The following PPP6C variants were observed in gnomAD, a reference collection of about 807,000 sequenced individuals.
The protein encoded by PPP6C is protein phosphatase 6 catalytic subunit.
In PPP6C, 11 loss-of-function variants were observed where a neutral mutation model predicts 39.8. The observed-to-expected ratio is 0.28, with a 90% CI of 0.17 to 0.46. The LOEUF (loss-of-function observed/expected upper bound fraction) is 0.46. Ranked by LOEUF, PPP6C falls within the 20% of genes least tolerant of loss-of-function variation. The pLI, the probability that PPP6C is intolerant of heterozygous loss-of-function variation, is 1.00. For missense variants in PPP6C, 211 were observed against 373.9 expected (o/e 0.56, Z 3.59); for synonymous variants, 129 against 130.3 (o/e 0.99, Z 0.07).
chr9:125,155,878 C>A (rs1193768120), intron 4 of PPP6C, among the ~76,000 whole-genome samples: 2 of 141,018 alleles, frequency 1.4e-5, no homozygotes, highest in African/African-American at 5.4e-5. Context: ...GCACTCCAGC[C>A]TGGGTGACAG....
In PPP6C at chr9:125,149,561, G is replaced by C. The variant is rs1835888379; in HGVS notation, c.*112C>G. 8.2e-7 allele frequency: 1 copy of C among 1,220,496 alleles called. No individual in the cohort carries two copies. Among genetic ancestry groups the C allele is most frequent in the African/African-American group, 1.5e-5 (1 of 65,124 alleles). The allele number at this position is 1,220,496 out of a possible 1,614,324, so 75.6% of individuals were successfully genotyped here. ...AAAATTTAAAAAAAAAAAGGCAAGA[G>C]GCAGCATTTCAGCAGCAAAGTGCTC... On this transcript the variant is annotated 3_prime_UTR_variant, in exon 7 of 7. Coordinates refer to ENST00000373547, the MANE Select transcript of PPP6C (RefSeq NM_002721.5).
chr9:125,180,277 T>C (rs79003383), intron 1 of PPP6C, among the ~76,000 whole-genome samples: 5,102 of 152,302 alleles, frequency 0.033, 248 homozygotes, highest in African/African-American at 0.11. Flanking sequence ...AATATCAGTG[T>C]TGCACAGCAT....
At chr9:125,189,483 G>C in intron 1 of PPP6C, 161 bp downstream of exon 1, 1 of 1,448,134 alleles carries the variant, frequency 6.9e-7, no homozygotes, top group Non-Finnish European at 9.1e-7. Context: ...CTCGGCTCGC[G>C]AGACCCTCGG....
chr9:125,184,207 G>A (rs1004116385), intron 1 of PPP6C, among the ~76,000 whole-genome samples: 1 of 152,066 alleles, frequency 6.6e-6, no homozygotes, highest in Non-Finnish European at 1.5e-5. Flanking sequence ...CAAACACAGT[G>A]AAACCCCATC....
rs1835841553 is a variant in PPP6C at position 125,147,618 on chromosome 9, C to CTA, written c.*2054_*2055insTA. ...AGGAATGGAGAGAATATTATTGGCA[C>CTA]GTGCCCAACTAGTGACAAACAAATG... On this transcript the variant is annotated 3_prime_UTR_variant, in exon 7 of 7. Transcript: ENST00000373547. 1 of 152,088 alleles carries CTA rather than the reference C, an allele frequency of 6.6e-6. No individual in the cohort carries two copies. The highest frequency in any genetic ancestry group is 1.5e-5 in the Non-Finnish European group (1 of 67,994). 9.4% of individuals were successfully genotyped at this position (152,088 alleles called of 1,614,324 possible). A position where few individuals can be genotyped will look rare whatever the true frequency, so the allele number is the denominator to read the frequency against.
Position 125,147,284 on chromosome 9 carries a change from AAT to A in PPP6C, c.*2387_*2388del, listed in dbSNP as rs1429428335. ...ACCAAGTATATCATAGGCAAATAAA[AAT>A]AGTTTTTACCCCCATTGATACAACA... is the stretch of plus-strand genomic sequence containing the variant. On this transcript the variant is annotated 3_prime_UTR_variant, in exon 7 of 7. Transcript: ENST00000373547. 6.6e-6 allele frequency: 1 copy of A among 152,206 alleles called. No homozygotes were observed. Among genetic ancestry groups the A allele is most frequent in the Admixed American group, 6.5e-5 (1 of 15,280 alleles). The allele number at this position is 152,206 out of a possible 1,614,324, so 9.4% of individuals were successfully genotyped here.
chr9:125,178,984 G>C (rs1182370920), intron 1 of PPP6C, among the ~76,000 whole-genome samples: 2 of 152,128 alleles, frequency 1.3e-5, no homozygotes, highest in Admixed American at 6.6e-5. Flanking sequence ...GGAGGCCGAG[G>C]AGGTCAGATC....
intron 1 of PPP6C, chr9:125,189,096 G>C: frequency 1.7e-6 from 1 of 604,402 alleles, no homozygotes; most frequent in South Asian, 2.3e-5. Flanking sequence ...ATTTGGAGGA[G>C]TGGCAATGAA....
chr9:125,187,668 C>G (rs779956285), intron 1 of PPP6C, among the ~76,000 whole-genome samples: 1 of 151,832 alleles, frequency 6.6e-6, no homozygotes, highest in Non-Finnish European at 1.5e-5. Flanking sequence ...AATTCCATGT[C>G]AATTCACTGA....
rs1285729452 is a variant in PPP6C at position 125,172,748 on chromosome 9, CACAA to C, written c.76-1572_76-1569del. ...ACACACACACACACACACACACACACACAAACACACACACACACACACAAACACA... is the reference window on the plus strand; with the variant it reads ...ACACACACACACACACACACACACACACACACACACACACACACAAACACA... On this transcript the variant is annotated intron_variant, in intron 1 of 6. Coordinates refer to ENST00000373547, the MANE Select transcript of PPP6C (RefSeq NM_002721.5). Among the ~76,000 whole-genome samples the C allele has an allele frequency of 2.5e-4, 36 of 141,186 alleles. No homozygotes were observed. The East Asian group carries it at 3.6e-3, about 14-fold the overall frequency. 92.6% of individuals were successfully genotyped at this position (141,186 alleles called of 152,430 possible). A position where few individuals can be genotyped will look rare whatever the true frequency, so the allele number is the denominator to read the frequency against.
chr9:125,162,388 G>A (rs371135222), intron 2 of PPP6C, among the ~76,000 whole-genome samples: 3 of 148,052 alleles, frequency 2.0e-5, no homozygotes, highest in African/African-American at 7.5e-5. Context: ...AGCCCAGGAG[G>A]TAGAGGTTGC....
intron 1 of PPP6C, among the ~76,000 whole-genome samples, chr9:125,178,927 T>C (rs545812224): frequency 1.3e-5 from 2 of 152,218 alleles, no homozygotes; most frequent in African/African-American, 4.8e-5. Flanking sequence ...TTAAGAGTTA[T>C]CTGCAGGCCA....
chr9:125,184,188 C>T (rs1226494170), intron 1 of PPP6C, among the ~76,000 whole-genome samples: 1 of 151,992 alleles, frequency 6.6e-6, no homozygotes. Context: ...GAGATTGAGA[C>T]CATCCTGGCA....
intron 6 of PPP6C, among the ~76,000 whole-genome samples, chr9:125,152,837 A>G (rs1835983914): frequency 2.0e-5 from 3 of 152,046 alleles, no homozygotes; most frequent in Admixed American, 6.6e-5. Context: ...GTCTCAAAAA[A>G]AAAAAGATTC....
intron 4 of PPP6C, among the ~76,000 whole-genome samples, chr9:125,155,150 C>G (rs1215376551): frequency 1.3e-5 from 2 of 152,154 alleles, no homozygotes; most frequent in East Asian, 3.8e-4. Flanking sequence ...AAGCAATCCT[C>G]CTACCTCAGC....
At chr9:125,173,314 G>A (rs1253178251) in intron 1 of PPP6C, among the ~76,000 whole-genome samples, 1 of 149,508 alleles carries the variant, frequency 6.7e-6, no homozygotes, top group African/African-American at 2.5e-5. Context: ...GCTGAGGCAG[G>A]AGAATCACTT....
At chr9:125,154,324 AT>A (rs1836018944) in intron 4 of PPP6C, among the ~76,000 whole-genome samples, 1 of 152,258 alleles carries the variant, frequency 6.6e-6, no homozygotes, top group African/African-American at 2.4e-5. Flanking sequence ...CCTATTGCTC[AT>A]AGGCTATAAA....
intron 1 of PPP6C, among the ~76,000 whole-genome samples, chr9:125,178,240 G>A (rs531985458): frequency 1.3e-5 from 2 of 152,194 alleles, no homozygotes; most frequent in Non-Finnish European, 2.9e-5. Context: ...GTCTTCCAAA[G>A]TGGCTGTACC....
Position 125,185,996 on chromosome 9 carries a change from T to A in PPP6C, c.75+3648A>T, listed in dbSNP as rs114498138. ...GCGAACAAACAAACAAAAACAGTTA[T>A]GTAGATTTGATCCAGTACTAGTGAT... On this transcript the variant is annotated intron_variant, in intron 1 of 6. Transcript: ENST00000373547. Among the ~76,000 whole-genome samples the A allele has an allele frequency of 5.6e-3, 859 of 152,164 alleles. 28 individuals carry two copies. The highest frequency in any genetic ancestry group is 0.02 in the African/African-American group (813 of 41,422).
Sources: allele counts gnomAD v4.1 joint callset (sites outside exome capture counted in the v4.1 genomes callset), GRCh38; gene constraint gnomAD v4.1.1; transcripts MANE v1.5; gene names NCBI Gene and HGNC (gene_info 2026-07-23, HGNC 2026-07-21).